The following TDRD9 variants were observed in gnomAD, a reference collection of about 807,000 sequenced individuals.
The protein encoded by TDRD9 is tudor domain containing 9.
Under a neutral mutation model 172.6 loss-of-function variants are expected in TDRD9, and 124 were observed. The observed-to-expected ratio is 0.72, with a 90% CI of 0.62 to 0.83. The LOEUF is 0.83. TDRD9 is among the 40% of genes least tolerant of loss of function. The pLI is 0.00. For synonymous variants in TDRD9, 619 were observed against 617.1 expected (o/e 1.00, Z -0.05); for missense variants, 1,479 against 1,714.1 (o/e 0.86, Z 2.42).
intron 13 of TDRD9, among the ~76,000 whole-genome samples, chr14:104,003,582 C>T (rs1422006323): frequency 5.3e-5 from 8 of 152,102 alleles, no homozygotes; most frequent in Non-Finnish European, 1.2e-4. Flanking sequence ...TTTAAGACTC[C>T]CTCCTACCCC....
rs116043427 is a variant in TDRD9 at position 103,978,233 on chromosome 14, T to G, written c.1011+2680T>G. Among the ~76,000 whole-genome samples the G allele has an allele frequency of 5.0e-3, 766 of 152,302 alleles. 8 individuals carry two copies. The highest frequency in any genetic ancestry group is 0.018 in the African/African-American group (738 of 41,548). On this transcript the variant is annotated intron_variant, in intron 7 of 35. Coordinates refer to ENST00000409874, the MANE Select transcript of TDRD9 (RefSeq NM_153046.3). ...ATGTCATTGGTATTTTGATTGAAAT[T>G]GTATGAATCTGTACATCACTTTGGG...
intron 9 of TDRD9, among the ~76,000 whole-genome samples, chr14:103,992,868 T>G (rs1301691135): frequency 7.7e-6 from 1 of 129,410 alleles, no homozygotes; most frequent in Non-Finnish European, 1.5e-5. Context: ...GAGCTTGCAG[T>G]GAGCCGAGAT....
At chr14:103,956,140 AT>A (rs1566738465) in intron 2 of TDRD9, among the ~76,000 whole-genome samples, 7 of 114,638 alleles carry the variant, frequency 6.1e-5, no homozygotes, top group Non-Finnish European at 8.5e-5. Context: ...ATATATATAT[AT>A]ATATATATAA....
chr14:103,948,078 A>G (rs1367897916), intron 1 of TDRD9, among the ~76,000 whole-genome samples: 1 of 152,142 alleles, frequency 6.6e-6, no homozygotes, highest in African/African-American at 2.4e-5. Flanking sequence ...CAGTGGTGCA[A>G]TCATAGCTCA....
intron 28 of TDRD9, 66 bp downstream of exon 28, chr14:104,027,005 C>T (rs1478673651): frequency 1.3e-6 from 2 of 1,540,206 alleles, no homozygotes; most frequent in Non-Finnish European, 1.8e-6. Context: ...GCTTTCCTTC[C>T]TCTGTGGACC....
intron 1 of TDRD9, chr14:103,939,678 T>TTG: frequency 1.1e-5 from 1 of 95,070 alleles, no homozygotes. Flanking sequence ...GTTAGGAGGG[T>TTG]TTTTTTTTTT....
intron 34 of TDRD9, among the ~76,000 whole-genome samples, chr14:104,043,604 C>T (rs562694410): frequency 1.2e-4 from 19 of 152,122 alleles, no homozygotes; most frequent in Non-Finnish European, 2.8e-4. Flanking sequence ...GTGGCCAGCA[C>T]CGAGGTCAGA....
At chr14:104,032,158 A>T (rs534308054) in intron 30 of TDRD9, 71 bp downstream of exon 30, 2 of 940,160 alleles carry the variant, frequency 2.1e-6, no homozygotes, top group Admixed American at 2.6e-5. Context: ...ATCAGAAAAT[A>T]ATGTATCTTT....
intron 6 of TDRD9, among the ~76,000 whole-genome samples, chr14:103,974,554 G>C (rs1016868304): frequency 6.6e-6 from 1 of 152,202 alleles, no homozygotes; most frequent in African/African-American, 2.4e-5. Context: ...GTTGGAGCTA[G>C]AGTTTTCTAG....
intron 22 of TDRD9, among the ~76,000 whole-genome samples, chr14:104,016,837 A>G (rs974719834): frequency 6.6e-6 from 1 of 152,216 alleles, no homozygotes; most frequent in Non-Finnish European, 1.5e-5. Flanking sequence ...AGTCATTGCC[A>G]GATTTTATCC....
rs955883191 is a variant in TDRD9 at position 103,980,983 on chromosome 14, C to T, written c.1012-5234C>T. 7.9e-5 allele frequency among the ~76,000 whole-genome samples: 12 copies of T among 151,980 alleles called. No individual in the cohort carries two copies. The highest frequency in any genetic ancestry group is 7.9e-4 in the Admixed American group (12 of 15,256). ...ATAATATTGGAATAAAGAGTAATTA[C>T]TACAAACTAATGATTAATGATATTC... On this transcript the variant is annotated intron_variant, in intron 7 of 35. Coordinates refer to ENST00000409874, the MANE Select transcript of TDRD9 (RefSeq NM_153046.3). The surrounding 1 kb of genome is among the most constrained non-coding windows in gnomAD (Gnocchi z 4.5).
chr14:104,001,823 G>A (rs558064595), intron 13 of TDRD9, among the ~76,000 whole-genome samples: 2 of 152,042 alleles, frequency 1.3e-5, no homozygotes, highest in South Asian at 2.1e-4. Context: ...TGGCCAGGAC[G>A]GTCTCCATCT....
intron 32 of TDRD9, among the ~76,000 whole-genome samples, chr14:104,037,283 C>T (rs1247518483): frequency 6.6e-6 from 1 of 152,164 alleles, no homozygotes; most frequent in Non-Finnish European, 1.5e-5. Flanking sequence ...CGCCATGCGC[C>T]CATGCCCGTT....
intron 28 of TDRD9, among the ~76,000 whole-genome samples, chr14:104,028,553 G>A (rs1196075257): frequency 1.3e-5 from 2 of 152,036 alleles, no homozygotes; most frequent in African/African-American, 4.8e-5. Flanking sequence ...CTTTTTTGCT[G>A]TTTGAGTTCC....
chr14:103,928,955 A>C, intron 1 of TDRD9: 1 of 210,062 alleles, frequency 4.8e-6, no homozygotes, highest in Admixed American at 6.6e-5. Flanking sequence ...TCAGTTCTTA[A>C]TGTTTAACAG....
At chr14:103,937,450 G>A (rs899440733) in intron 1 of TDRD9, among the ~76,000 whole-genome samples, 1 of 152,040 alleles carries the variant, frequency 6.6e-6, no homozygotes, top group Non-Finnish European at 1.5e-5. Context: ...TGTGACCTCC[G>A]TAGCTAAAGC....
intron 25 of TDRD9, 98 bp from the exon 26 acceptor site, chr14:104,025,466 C>A: frequency 1.2e-6 from 1 of 866,098 alleles, no homozygotes; most frequent in Non-Finnish European, 1.8e-6. Flanking sequence ...GGTGAGGTGT[C>A]GTACAGCACA....
intron 28 of TDRD9, among the ~76,000 whole-genome samples, chr14:104,027,541 G>A (rs888644713): frequency 4.6e-5 from 7 of 152,114 alleles, no homozygotes; most frequent in Non-Finnish European, 8.8e-5. Flanking sequence ...ACGATTTAAA[G>A]GTTTGAGAGG....
At chr14:104,041,733 T>C (rs187064694) in intron 33 of TDRD9, among the ~76,000 whole-genome samples, 1 of 152,308 alleles carries the variant, frequency 6.6e-6, no homozygotes, top group African/African-American at 2.4e-5. Flanking sequence ...CTTTTGTTCA[T>C]TGCTGGTGGG....
Sources: gnomAD v4.1 joint callset for allele counts (sites outside exome capture counted in the v4.1 genomes callset) on GRCh38, gnomAD v4.1.1 for gene constraint, Gnocchi (gnomAD v3.1) non-coding constraint, MANE v1.5 for transcripts, NCBI Gene and HGNC (gene_info 2026-07-23, HGNC 2026-07-21) for gene names.